The following CCSER1 variants were observed in gnomAD, a reference collection of about 807,000 sequenced individuals.
The protein encoded by CCSER1 is coiled-coil serine rich protein 1, also known as serine-rich coiled-coil domain-containing protein 1.
CCSER1 carries 41 observed loss-of-function variants against 82.0 expected under a neutral mutation model. That is an observed-to-expected ratio of 0.50 (90% CI 0.39 to 0.65). The LOEUF (loss-of-function observed/expected upper bound fraction) is 0.65, where lower values mean the gene tolerates loss of function less well. CCSER1 is among the 30% of genes least tolerant of loss of function. The pLI is 0.00. For synonymous variants in CCSER1, 414 were observed against 383.9 expected, an observed-to-expected ratio of 1.08 and a Z score of -0.92; for missense variants, 1,119 against 1,064.2, an observed-to-expected ratio of 1.05 and a Z score of -0.72.
At chr4:91,488,859 A>G (rs758970329) in intron 10 of CCSER1, among the ~76,000 whole-genome samples, 2 of 152,218 alleles carry the variant, frequency 1.3e-5, no homozygotes, top group Non-Finnish European at 2.9e-5. Flanking sequence ...CCCTGCGGTC[A>G]TAGACTGTAC....
At chr4:91,136,332 C>G (rs1728468683) in intron 10 of CCSER1, among the ~76,000 whole-genome samples, 2 of 152,174 alleles carry the variant, frequency 1.3e-5, no homozygotes, top group South Asian at 4.1e-4. Context: ...TTGTTTCCTT[C>G]AAAGATGTGT....
intron 10 of CCSER1, among the ~76,000 whole-genome samples, chr4:91,267,964 CAGG>C (rs1298116433): frequency 2.6e-5 from 4 of 152,228 alleles, no homozygotes; most frequent in Admixed American, 6.5e-5. Flanking sequence ...GAAGTACTAG[CAGG>C]AGATGTATTA....
chr4:90,245,558 T>A (rs984775570), intron 1 of CCSER1, among the ~76,000 whole-genome samples: 47 of 152,212 alleles, frequency 3.1e-4, no homozygotes, highest in African/African-American at 1.1e-3. Context: ...TTATTTCTTA[T>A]GTCTTGTAAA....
chr4:91,489,406 T>A lies in CCSER1; in HGVS notation c.2218-109166T>A, dbSNP rs531956004. On this transcript the variant is annotated intron_variant, in intron 10 of 10. Coordinates refer to ENST00000509176, the MANE Select transcript of CCSER1 (RefSeq NM_001145065.2). ...CTCTGGGGCAGCCTGCCTTCATTTA[T>A]CCCTTACTATCTTGCTTATGCATTA... Among the ~76,000 whole-genome samples, 3 of 152,328 alleles carry A rather than the reference T, an allele frequency of 2.0e-5. No individual in the cohort carries two copies. In the South Asian group the frequency reaches 6.2e-4, roughly 32 times the overall value.
At chr4:90,861,927 T>TA (rs796104595) in intron 8 of CCSER1, among the ~76,000 whole-genome samples, 4,385 of 73,866 alleles carry the variant, frequency 0.059, 115 homozygotes, top group African/African-American at 0.1. Context: ...TATATATATA[T>TA]TTTTTTTTTC....
At chr4:91,222,905 A>C (rs2149102594) in intron 10 of CCSER1, among the ~76,000 whole-genome samples, 1 of 152,278 alleles carries the variant, frequency 6.6e-6, no homozygotes, top group South Asian at 2.1e-4. Flanking sequence ...GCAAAGCCTT[A>C]GAGTGTACCT....
intron 10 of CCSER1, among the ~76,000 whole-genome samples, chr4:91,516,961 G>A (rs1434269172): frequency 1.3e-5 from 2 of 151,986 alleles, no homozygotes; most frequent in Non-Finnish European, 2.9e-5. Flanking sequence ...TTTTGTGGCA[G>A]TTATAAATGG....
At chr4:91,534,451 T>C (rs56268449) in intron 10 of CCSER1, among the ~76,000 whole-genome samples, 20,622 of 151,954 alleles carry the variant, frequency 0.14, 1,588 homozygotes, top group African/African-American at 0.21. Context: ...CACTATGATG[T>C]TTACTTGCTT....
rs373013987 is a variant in CCSER1 at position 90,321,073 on chromosome 4, C to A, written c.1509+8026C>A. 1.9e-3 allele frequency among the ~76,000 whole-genome samples: 285 copies of A among 152,136 alleles called. 1 individual carries two copies. Among genetic ancestry groups the A allele is most frequent in the African/African-American group, 6.0e-3 (249 of 41,530 alleles). Reference sequence around the variant, plus strand: ...ATCATTTGTTTGTGTTAGGGACATTCCAATTCCAGGTTTTTGTTATTTTAA... The same window carrying A: ...ATCATTTGTTTGTGTTAGGGACATTACAATTCCAGGTTTTTGTTATTTTAA... On this transcript the variant is annotated intron_variant, in intron 3 of 10. Transcript: ENST00000509176.
At chr4:90,305,979 A>G (rs1734194792) in intron 1 of CCSER1, among the ~76,000 whole-genome samples, 1 of 152,248 alleles carries the variant, frequency 6.6e-6, no homozygotes, top group South Asian at 2.1e-4. Flanking sequence ...TATTTATATA[A>G]TGAAATGCTA....
At chr4:91,543,875 G>A (rs1161074978) in intron 10 of CCSER1, among the ~76,000 whole-genome samples, 1 of 152,110 alleles carries the variant, frequency 6.6e-6, no homozygotes, top group East Asian at 1.9e-4. Flanking sequence ...AAGTTCTCCT[G>A]GATAATATCC....
chr4:91,236,343 G>A (rs1219529896), intron 10 of CCSER1, among the ~76,000 whole-genome samples: 1 of 151,998 alleles, frequency 6.6e-6, no homozygotes, highest in African/African-American at 2.4e-5. Context: ...AAAATTAGCT[G>A]GGTGTGGCGG....
Position 90,781,558 on chromosome 4 carries a change from C to T in CCSER1, c.2011-34204C>T, listed in dbSNP as rs905862111. 3 of 977,676 alleles carry T rather than the reference C, an allele frequency of 3.1e-6. No homozygotes were observed. The African/African-American group carries it at 5.2e-5, about 17-fold the overall frequency. The allele number at this position is 977,676 out of a possible 1,614,324, so 60.6% of individuals were successfully genotyped here. ...CTTTTTTTTGATAAAATATGAAATA[C>T]ATAAATGAGTTAAATTGTTGTGACT... On this transcript the variant is annotated intron_variant, in intron 7 of 10. Coordinates refer to ENST00000509176, the MANE Select transcript of CCSER1 (RefSeq NM_001145065.2).
chr4:90,996,071 A>G (rs1383192156), intron 9 of CCSER1, among the ~76,000 whole-genome samples: 2 of 152,088 alleles, frequency 1.3e-5, no homozygotes, highest in African/African-American at 4.8e-5. Context: ...CAACAATGCT[A>G]TAAATAATAA....
intron 10 of CCSER1, among the ~76,000 whole-genome samples, chr4:91,222,675 A>T (rs1737847713): frequency 6.6e-6 from 1 of 152,154 alleles, no homozygotes; most frequent in Non-Finnish European, 1.5e-5. Flanking sequence ...ACTGCCTTGC[A>T]TTGCAGAACC....
chr4:91,541,591 T>C (rs1045725902), intron 10 of CCSER1, among the ~76,000 whole-genome samples: 5 of 152,186 alleles, frequency 3.3e-5, no homozygotes, highest in African/African-American at 1.2e-4. Flanking sequence ...TATTCCATGG[T>C]GTATATCTGC....
intron 10 of CCSER1, among the ~76,000 whole-genome samples, chr4:91,284,846 A>G (rs1450724007): frequency 6.6e-6 from 1 of 152,076 alleles, no homozygotes; most frequent in Non-Finnish European, 1.5e-5. Flanking sequence ...AAAAAAACAT[A>G]TGAGTTGATG....
intron 9 of CCSER1, among the ~76,000 whole-genome samples, chr4:90,970,635 C>T (rs1455995561): frequency 6.6e-6 from 1 of 151,946 alleles, no homozygotes; most frequent in Non-Finnish European, 1.5e-5. Flanking sequence ...CAGCAGAATG[C>T]ACATTTTTCT....
Position 91,010,489 on chromosome 4 carries a change from A to G in CCSER1, c.2173-75461A>G, listed in dbSNP as rs189037499. On this transcript the variant is annotated intron_variant, in intron 9 of 10. Coordinates refer to ENST00000509176, the MANE Select transcript of CCSER1 (RefSeq NM_001145065.2). The stretch of plus-strand genomic sequence containing the variant: ...TTGGGAAGTTTCTAGCAATTACAGC[A>G]TTAACTAAGCTTACTGCCCCATTTT... 1.4e-4 allele frequency among the ~76,000 whole-genome samples: 12 copies of G among 85,934 alleles called. 3 individuals carry two copies. The highest frequency in any genetic ancestry group is 3.4e-4 in the Non-Finnish European group (10 of 29,696). 56.4% of individuals were successfully genotyped at this position (85,934 alleles called of 152,430 possible).
Sources: gnomAD v4.1 joint callset for allele counts (sites outside exome capture counted in the v4.1 genomes callset) on GRCh38, gnomAD v4.1.1 for gene constraint, MANE v1.5 for transcripts, NCBI Gene and HGNC (gene_info 2026-07-23, HGNC 2026-07-21) for gene names.